Variants in TMEM131L observed in about 807,000 individuals in gnomAD.
The protein encoded by TMEM131L is transmembrane protein 131-like.
A neutral mutation model predicts 192.2 loss-of-function variants in TMEM131L; 54 were observed. That is an observed-to-expected ratio of 0.28 (90% CI 0.23 to 0.35). The LOEUF (loss-of-function observed/expected upper bound fraction) is 0.35. Ranked by LOEUF, TMEM131L falls within the 10% of genes least tolerant of loss-of-function variation. The pLI is 1.00. For synonymous variants in TMEM131L, 701 were observed against 704.9 expected (o/e 0.99, Z 0.09); for missense variants, 1,888 against 1,972.9 (o/e 0.96, Z 0.82).
intron 3 of TMEM131L, among the ~76,000 whole-genome samples, chr4:153,493,345 CAAAAAAAAAA>C (rs35052272): frequency 1.4e-5 from 1 of 72,876 alleles, no homozygotes; most frequent in Non-Finnish European, 2.5e-5. Flanking sequence ...GACTCTGTCT[CAAAAAAAAAA>C]AAAAAAAAAA....
At chr4:153,485,849 C>T (rs966460997) in intron 3 of TMEM131L, among the ~76,000 whole-genome samples, 8 of 152,208 alleles carry the variant, frequency 5.3e-5, no homozygotes, top group Admixed American at 2.0e-4. Context: ...AGTGCTTTCA[C>T]ATGTATCTTC....
chr4:153,629,041 C>A lies in TMEM131L; in HGVS notation c.4207+1354C>A, dbSNP rs572044032. ...CATTGTTACAGTCATTTCCTCGACTCCTCTCCCTTTATTGCAAAGCCCCAG... is the reference window on the plus strand; with the variant it reads ...CATTGTTACAGTCATTTCCTCGACTACTCTCCCTTTATTGCAAAGCCCCAG... On this transcript the variant is annotated intron_variant, in intron 31 of 34. Coordinates refer to ENST00000409959, the MANE Select transcript of TMEM131L (RefSeq NM_001131007.2). Among the ~76,000 whole-genome samples the A allele has an allele frequency of 2.4e-3, 361 of 152,284 alleles. 1 individual carries two copies. The highest frequency in any genetic ancestry group is 0.02 in the Middle Eastern group (6 of 294).
intron 3 of TMEM131L, among the ~76,000 whole-genome samples, chr4:153,505,594 A>C (rs1733933547): frequency 6.6e-6 from 1 of 152,210 alleles, no homozygotes; most frequent in Non-Finnish European, 1.5e-5. Context: ...CATGTCCTGA[A>C]GGGGAAAAGC....
chr4:153,543,413 C>T (rs143130635), intron 3 of TMEM131L, among the ~76,000 whole-genome samples: 1 of 152,266 alleles, frequency 6.6e-6, no homozygotes, highest in African/African-American at 2.4e-5. Flanking sequence ...AATTTTATAA[C>T]TATGTAGTTG....
At position 153,537,581 on chromosome 4, in the gene TMEM131L, C is replaced by T. The variant is rs370467396; in HGVS notation, c.240-12492C>T. ...CCATGGCATTTGTAAACTGTCATGG[C>T]GCTGGTGGAGTGTAGCAGTGAGGAC... On this transcript the variant is annotated intron_variant, in intron 3 of 34. Coordinates refer to ENST00000409959, the MANE Select transcript of TMEM131L (RefSeq NM_001131007.2). 7.9e-5 allele frequency among the ~76,000 whole-genome samples: 12 copies of T among 152,256 alleles called. No individual in the cohort carries two copies. The South Asian group carries it at 1.5e-3, about 18-fold the overall frequency.
chr4:153,581,185 C>T lies in TMEM131L; in HGVS notation c.739-222C>T, dbSNP rs187743281. On this transcript the variant is annotated intron_variant, in intron 8 of 34. Coordinates refer to ENST00000409959, the MANE Select transcript of TMEM131L (RefSeq NM_001131007.2). ...AGGAGAATGGCGTGAACCTGGGAGGCGGAGCTTGCAGTGAGCCGAGATCGC... is the reference window on the plus strand; with the variant it reads ...AGGAGAATGGCGTGAACCTGGGAGGTGGAGCTTGCAGTGAGCCGAGATCGC... Among the ~76,000 whole-genome samples the T allele has an allele frequency of 7.1e-3, 1,086 of 152,212 alleles. 11 individuals carry two copies. Among genetic ancestry groups the T allele is most frequent in the African/African-American group, 0.024 (986 of 41,534 alleles).
chr4:153,510,165 T>G (rs75036515), intron 3 of TMEM131L, among the ~76,000 whole-genome samples: 5,928 of 152,182 alleles, frequency 0.039, 388 homozygotes, highest in African/African-American at 0.13. Context: ...ATTTTTTTTT[T>G]GGTATGCTTC....
intron 26 of TMEM131L, among the ~76,000 whole-genome samples, chr4:153,617,229 C>T (rs988336103): frequency 1.3e-5 from 2 of 152,172 alleles, no homozygotes; most frequent in African/African-American, 2.4e-5. Flanking sequence ...CCATGTGAGA[C>T]CTGCCTTTCA....
At position 153,495,759 on chromosome 4, in the gene TMEM131L, C is replaced by T. The variant is rs544857419; in HGVS notation, c.239+21871C>T. ...GATCTTGAGGCCTACAAGGAATTTC[C>T]TTGTGGGTAAATTGTGAGGGAGGTA... On this transcript the variant is annotated intron_variant, in intron 3 of 34. Transcript: ENST00000409959. 1.1e-3 allele frequency among the ~76,000 whole-genome samples: 172 copies of T among 152,200 alleles called. 1 individual carries two copies. The highest frequency in any genetic ancestry group is 3.8e-3 in the African/African-American group (159 of 41,538).
intron 3 of TMEM131L, among the ~76,000 whole-genome samples, chr4:153,500,162 A>G (rs1291837935): frequency 1.3e-5 from 2 of 151,760 alleles, no homozygotes; most frequent in Non-Finnish European, 2.9e-5. Flanking sequence ...GTGCAATGGT[A>G]CAATCATGGC....
chr4:153,506,843 CAAAA>C (rs369133768), intron 3 of TMEM131L, among the ~76,000 whole-genome samples: 8 of 88,218 alleles, frequency 9.1e-5, no homozygotes, highest in East Asian at 3.2e-4. Context: ...ACTCTGTATC[CAAAA>C]AAAAAAAAAA....
intron 7 of TMEM131L, among the ~76,000 whole-genome samples, chr4:153,563,506 C>T (rs1402111027): frequency 2.7e-5 from 3 of 112,830 alleles, no homozygotes; most frequent in Non-Finnish European, 4.9e-5. Flanking sequence ...CTCGCTCTGT[C>T]ACCTAGGCTG....
At chr4:153,481,829 C>T (rs745640682) in intron 3 of TMEM131L, among the ~76,000 whole-genome samples, 11 of 151,822 alleles carry the variant, frequency 7.2e-5, no homozygotes, top group African/African-American at 1.2e-4. Context: ...TGAGCCACTG[C>T]GCCTGGCCCA....
At chr4:153,501,908 T>A (rs2149997837) in intron 3 of TMEM131L, among the ~76,000 whole-genome samples, 1 of 151,628 alleles carries the variant, frequency 6.6e-6, no homozygotes, top group Admixed American at 6.6e-5. Flanking sequence ...CCCTCTACCT[T>A]TTCCAGGTCA....
chr4:153,539,877 G>C (rs1163440905), intron 3 of TMEM131L, among the ~76,000 whole-genome samples: 4 of 151,702 alleles, frequency 2.6e-5, no homozygotes, highest in Admixed American at 1.3e-4. Flanking sequence ...ATGGGAGGCC[G>C]AGGCAGGCGG....
chr4:153,587,873 G>A (rs770656077), intron 15 of TMEM131L, 62 bp downstream of exon 15: 27 of 1,125,446 alleles, frequency 2.4e-5, no homozygotes, highest in Middle Eastern at 3.9e-4. Context: ...AAATAGTGAG[G>A]AAAATTAGCA....
rs558686226 is a variant in TMEM131L at position 153,601,688 on chromosome 4, CTG to C, written c.2267-460_2267-459del. Reference sequence around the variant, plus strand: ...CATAATAGTATAGCACATGTTTGAACTGTGTTTCTAGCAGCTGTGATGGATTT... The same window carrying C: ...CATAATAGTATAGCACATGTTTGAACTGTTTCTAGCAGCTGTGATGGATTT... On this transcript the variant is annotated intron_variant, in intron 21 of 34. Transcript: ENST00000409959. Among the ~76,000 whole-genome samples the C allele has an allele frequency of 6.6e-5, 10 of 152,252 alleles. No individual in the cohort carries two copies. In the South Asian group the frequency reaches 2.1e-3, roughly 32 times the overall value.
intron 21 of TMEM131L, among the ~76,000 whole-genome samples, chr4:153,601,753 G>C (rs1731853892): frequency 6.6e-6 from 1 of 152,194 alleles, no homozygotes. Flanking sequence ...ACTGGTGCCT[G>C]GTTCAATGTG....
intron 3 of TMEM131L, among the ~76,000 whole-genome samples, chr4:153,492,821 C>T (rs1408862843): frequency 6.6e-6 from 1 of 151,676 alleles, no homozygotes; most frequent in Non-Finnish European, 1.5e-5. Flanking sequence ...GGGCTGGGGG[C>T]AGGGTGGAAA....
Sources: gnomAD v4.1 joint callset for allele counts (sites outside exome capture counted in the v4.1 genomes callset) on GRCh38, gnomAD v4.1.1 for gene constraint, MANE v1.5 for transcripts, NCBI Gene and HGNC (gene_info 2026-07-23, HGNC 2026-07-21) for gene names.